Variants in ETFA observed in about 807,000 individuals in gnomAD.
The protein encoded by ETFA is electron transfer flavoprotein subunit alpha, mitochondrial.
A neutral mutation model predicts 46.2 loss-of-function variants in ETFA; 22 were observed. The observed-to-expected ratio is 0.48, with a 90% CI of 0.34 to 0.68. The LOEUF is 0.68. ETFA is among the 30% of genes least tolerant of loss of function. The pLI is 0.01. For synonymous variants in ETFA, 131 were observed against 139.9 expected, an observed-to-expected ratio of 0.94 and a Z score of 0.45; for missense variants, 345 against 401.1, an observed-to-expected ratio of 0.86 and a Z score of 1.19.
chr15:76,294,404 T>C (rs1017793193), intron 2 of ETFA, among the ~76,000 whole-genome samples: 1 of 152,192 alleles, frequency 6.6e-6, no homozygotes, highest in Admixed American at 6.5e-5. Context: ...GATCCTACAG[T>C]TGTTAGCAGG....
chr15:76,279,537 A>C (rs1244557860), intron 8 of ETFA, among the ~76,000 whole-genome samples: 1 of 151,890 alleles, frequency 6.6e-6, no homozygotes, highest in Non-Finnish European at 1.5e-5. Flanking sequence ...TTGGCCTCCC[A>C]AAGTGTTGGG....
intron 9 of ETFA, chr15:76,261,740 G>C (rs758003785): frequency 4.3e-6 from 1 of 234,104 alleles, no homozygotes; most frequent in African/African-American, 2.3e-5. Context: ...TGAGGAGGGA[G>C]GAGGGCTGAA....
At chr15:76,286,638 G>A (rs1389561818) in intron 5 of ETFA, 157 bp from the exon 6 acceptor site, 5 of 662,368 alleles carry the variant, frequency 7.5e-6, no homozygotes, top group African/African-American at 3.6e-5. Flanking sequence ...GAACCATAAC[G>A]GTGAAGAAAC....
rs182467604 is a variant in ETFA at position 76,232,301 on chromosome 15, G to A, written c.817-903C>T. Among the ~76,000 whole-genome samples, 324 of 152,310 alleles carry A rather than the reference G, an allele frequency of 2.1e-3. 1 individual carries two copies. Among genetic ancestry groups the A allele is most frequent in the Non-Finnish European group, 3.4e-3 (234 of 68,030 alleles). ...CTTTAATAAGTGCTTAATTAGAAGA[G>A]CTTACCTGCTTCATTCTGTTTACCA... is the stretch of plus-strand genomic sequence containing the variant. On this transcript the variant is annotated intron_variant, in intron 9 of 11. Transcript: ENST00000557943.
chr15:76,311,058 G>A (rs2039992759), intron 1 of ETFA, among the ~76,000 whole-genome samples: 1 of 152,234 alleles, frequency 6.6e-6, no homozygotes, highest in Non-Finnish European at 1.5e-5. Flanking sequence ...GACCGACAAA[G>A]GTGGGAAACG....
chr15:76,277,387 G>A (rs946064655), intron 8 of ETFA, among the ~76,000 whole-genome samples: 3 of 152,138 alleles, frequency 2.0e-5, no homozygotes, highest in African/African-American at 7.2e-5. Context: ...CTTGTCGGAA[G>A]CATGAGGTGA....
intron 9 of ETFA, among the ~76,000 whole-genome samples, chr15:76,269,084 T>C (rs772749600): frequency 2.0e-5 from 3 of 152,250 alleles, no homozygotes; most frequent in Admixed American, 6.5e-5. Flanking sequence ...TTGGAAGCTC[T>C]ACACTTGCAG....
intron 4 of ETFA, among the ~76,000 whole-genome samples, chr15:76,289,873 T>C (rs1286120515): frequency 6.6e-6 from 1 of 152,196 alleles, no homozygotes; most frequent in Non-Finnish European, 1.5e-5. Flanking sequence ...ATAGCAATCA[T>C]GGCCAGAGTA....
At chr15:76,288,284 A>G (rs929026951) in intron 4 of ETFA, among the ~76,000 whole-genome samples, 2 of 152,242 alleles carry the variant, frequency 1.3e-5, no homozygotes, top group African/African-American at 4.8e-5. Context: ...AAGAAAAGAT[A>G]GAACAAATTT....
intron 9 of ETFA, among the ~76,000 whole-genome samples, chr15:76,234,636 C>A (rs1033895105): frequency 6.6e-6 from 1 of 152,018 alleles, no homozygotes; most frequent in African/African-American, 2.4e-5. Flanking sequence ...AGATAGGCCT[C>A]GTGGCTTTAG....
At chr15:76,259,790 C>G in intron 9 of ETFA, 1 of 1,603,620 alleles carries the variant, frequency 6.2e-7, no homozygotes, top group Non-Finnish European at 8.5e-7. Flanking sequence ...GTACTCCATG[C>G]TGCAGGCAAT....
In ETFA at chr15:76,285,738, G is replaced by A; in HGVS notation, c.563C>T (p.Ala188Val). 3 of 1,541,034 alleles carry A rather than the reference G, an allele frequency of 1.9e-6. No individual in the cohort carries two copies. The South Asian group carries it at 3.3e-5, about 17-fold the overall frequency. Residue 188 changes from alanine to valine, a missense_variant and splice_region_variant, in exon 7 of 12, where the codon GCA becomes GTA. Coordinates refer to ENST00000557943, the MANE Select transcript of ETFA (RefSeq NM_000126.4). The part of the protein sequence containing the change: ...TSGGSASSEK[A>V]SSTSPVEISE... ...TATTTCCACTGGTGAAGTACTTGATGCTGCATACATTAATACATAATAAAA... is the reference window on the plus strand; with the variant it reads ...TATTTCCACTGGTGAAGTACTTGATACTGCATACATTAATACATAATAAAA...
At chr15:76,298,060 T>TGA (rs145669299) in intron 1 of ETFA, among the ~76,000 whole-genome samples, 1 of 150,890 alleles carries the variant, frequency 6.6e-6, no homozygotes, top group African/African-American at 2.4e-5. Flanking sequence ...TTTTTTTTTT[T>TGA]GAGAGAGAGT....
intron 7 of ETFA, among the ~76,000 whole-genome samples, chr15:76,285,251 C>A (rs1407185304): frequency 6.6e-6 from 1 of 152,152 alleles, no homozygotes; most frequent in East Asian, 1.9e-4. Flanking sequence ...CTCTGGAAAT[C>A]TTTCCAAGTG....
At chr15:76,284,114 T>C (rs1164721159) in intron 7 of ETFA, among the ~76,000 whole-genome samples, 1 of 152,228 alleles carries the variant, frequency 6.6e-6, no homozygotes, top group Non-Finnish European at 1.5e-5. Flanking sequence ...GTCACTGCCA[T>C]ATCTGCAATA....
chr15:76,229,875 G>A lies in ETFA; in HGVS notation c.882+1458C>T, dbSNP rs548997978. 1.9e-3 allele frequency among the ~76,000 whole-genome samples: 287 copies of A among 152,280 alleles called. 1 individual carries two copies. Among genetic ancestry groups the A allele is most frequent in the African/African-American group, 6.7e-3 (277 of 41,574 alleles). ...GCATCTCTGACTTCATGAAAGGTAA[G>A]TTCATAATTCAAACTATATATTATT... On this transcript the variant is annotated intron_variant, in intron 10 of 11. Transcript: ENST00000557943.
chr15:76,292,485 A>G lies in ETFA; in HGVS notation c.297T>C (p.Thr99=), dbSNP rs2141540022. ...TGTGTGTGTAATTGAACTGCTTCTGAGTTGCCAAAATCAATGGTGTCAGTT... is the reference window on the plus strand; with the variant it reads ...TGTGTGTGTAATTGAACTGCTTCTGGGTTGCCAAAATCAATGGTGTCAGTT... ...PEELTPLILA[T]QKQFNYTHIC... is the part of the protein sequence containing the mutation. Residue 99 remains threonine, a synonymous_variant, in exon 4 of 12, where the codon ACT becomes ACC. Transcript: ENST00000557943. 2 of 1,613,916 alleles carry G rather than the reference A, an allele frequency of 1.2e-6. No homozygotes were observed. The highest frequency in any genetic ancestry group is 2.2e-5 in the South Asian group (2 of 91,070).
At chr15:76,224,995 G>A (rs565255939) in intron 11 of ETFA, among the ~76,000 whole-genome samples, 2 of 152,174 alleles carry the variant, frequency 1.3e-5, no homozygotes, top group African/African-American at 4.8e-5. Context: ...CAAAAGTGAA[G>A]AGTGTGAGGA....
chr15:76,223,309 C>T (rs952922879), intron 11 of ETFA, among the ~76,000 whole-genome samples: 3 of 149,788 alleles, frequency 2.0e-5, no homozygotes, highest in African/African-American at 7.3e-5. Flanking sequence ...CCTCTGCCTC[C>T]CAGGCTCAAG....
Sources: gnomAD v4.1 joint callset for allele counts (sites outside exome capture counted in the v4.1 genomes callset) on GRCh38, gnomAD v4.1.1 for gene constraint, MANE v1.5 for transcripts, NCBI Gene and HGNC (gene_info 2026-07-23, HGNC 2026-07-21) for gene names.